Variants in UNC13C observed in about 807,000 individuals in gnomAD.
UNC13C encodes the protein protein unc-13 homolog C.
In UNC13C, 174 loss-of-function variants were observed where a neutral mutation model predicts 245.4. That is an observed-to-expected ratio of 0.71 (90% CI 0.63 to 0.80). The LOEUF is 0.80. Ranked by LOEUF, UNC13C falls within the 30% of genes least tolerant of loss-of-function variation. The probability of loss-of-function intolerance (pLI) is 0.00; values close to 1 mark genes in which losing one functional copy is unlikely to be tolerated. For synonymous variants in UNC13C, 992 were observed against 895.1 expected (o/e 1.11, Z -1.93); for missense variants, 2,829 against 2,602.9 (o/e 1.09, Z -1.89).
Position 54,381,204 on chromosome 15 carries a change from A to G in UNC13C, c.4714-11844A>G, listed in dbSNP as rs1388248855. 3.9e-5 allele frequency among the ~76,000 whole-genome samples: 6 copies of G among 152,220 alleles called. No homozygotes were observed. The East Asian group carries it at 9.7e-4, about 24-fold the overall frequency. ...ATGTCTAGTTTTCTTAACATCATTG[A>G]TTGAAGAGATTGTCCTTTAACTATT... On this transcript the variant is annotated intron_variant, in intron 17 of 32. Transcript: ENST00000260323.
At chr15:54,622,753 A>G (rs1900875637) in intron 31 of UNC13C, among the ~76,000 whole-genome samples, 1 of 152,102 alleles carries the variant, frequency 6.6e-6, no homozygotes. Context: ...CACAAAACCT[A>G]CTGCTTTTTC....
At chr15:54,115,068 C>T (rs1157977465) in intron 2 of UNC13C, among the ~76,000 whole-genome samples, 2 of 151,972 alleles carry the variant, frequency 1.3e-5, no homozygotes, top group Admixed American at 6.6e-5. Context: ...GCTCTATGTT[C>T]TGGAAATATA....
intron 19 of UNC13C, among the ~76,000 whole-genome samples, chr15:54,470,842 C>G (rs1429047016): frequency 6.7e-6 from 1 of 150,122 alleles, no homozygotes; most frequent in African/African-American, 2.4e-5. Flanking sequence ...CTTTTTTTTA[C>G]TTTTAGATCT....
Position 54,250,336 on chromosome 15 carries a change from T to C in UNC13C, c.3340T>C (p.Cys1114Arg), listed in dbSNP as rs1411960960. The C allele has an allele frequency of 6.2e-7, 1 of 1,613,738 alleles. No homozygotes were observed. Residue 1114 changes from cysteine (C) to arginine (R), a missense_variant, in exon 8 of 33, where the codon TGT (cysteine) becomes CGT (arginine). Coordinates refer to ENST00000260323, the MANE Select transcript of UNC13C (RefSeq NM_001080534.3). ...TATTPTYCYE[C>R]EGLLWGIARQ... ...TACCACACCCACCTACTGTTATGAG[T>C]GTGAAGGGCTCCTGTGGGGCATTGC...
chr15:53,932,179 C>T, the UNC13C span, among the ~76,000 whole-genome samples: 14 of 152,040 alleles, frequency 9.2e-5, no homozygotes, highest in East Asian at 1.9e-4. Flanking sequence ...CGTGGTGGCA[C>T]GTGCCTGTAG....
intron 2 of UNC13C, among the ~76,000 whole-genome samples, chr15:54,072,509 G>A (rs1898377400): frequency 6.6e-6 from 1 of 152,140 alleles, no homozygotes; most frequent in Non-Finnish European, 1.5e-5. Flanking sequence ...CACCCAAAGA[G>A]TTTGGAATAC....
At chr15:54,567,774 C>T in intron 29 of UNC13C, 26 bp from the exon 30 acceptor site, 1 of 1,558,344 alleles carries the variant, frequency 6.4e-7, no homozygotes, top group Non-Finnish European at 8.7e-7. Flanking sequence ...CTCTAAATGC[C>T]TCGGCTTATT....
At chr15:54,541,599 T>C (rs1896248087) in intron 26 of UNC13C, among the ~76,000 whole-genome samples, 1 of 152,146 alleles carries the variant, frequency 6.6e-6, no homozygotes, top group Non-Finnish European at 1.5e-5. Context: ...AGGCTGGATT[T>C]AGAAGAGTCA....
intron 13 of UNC13C, among the ~76,000 whole-genome samples, chr15:54,311,508 G>A (rs1332425464): frequency 6.6e-6 from 1 of 151,682 alleles, no homozygotes; most frequent in Non-Finnish European, 1.5e-5. Flanking sequence ...GGAAAGAAAA[G>A]TAGCATTAAG....
intron 18 of UNC13C, among the ~76,000 whole-genome samples, chr15:54,414,562 G>A (rs2040479677): frequency 6.6e-6 from 1 of 152,088 alleles, no homozygotes; most frequent in African/African-American, 2.4e-5. Flanking sequence ...CAGGAGAATT[G>A]CTTGAACCCG....
chr15:53,890,746 C>A, the UNC13C span, among the ~76,000 whole-genome samples: 2 of 134,874 alleles, frequency 1.5e-5, no homozygotes, highest in African/African-American at 5.1e-5. Context: ...CTGTTTGATT[C>A]TTCTCTCTTT....
At chr15:54,470,702 G>A (rs1183123648) in intron 19 of UNC13C, among the ~76,000 whole-genome samples, 1 of 150,504 alleles carries the variant, frequency 6.6e-6, no homozygotes, top group African/African-American at 2.4e-5. Context: ...CCAATTTTTT[G>A]TTTCATTAGT....
chr15:54,439,546 A>T (rs1363154124), intron 19 of UNC13C, among the ~76,000 whole-genome samples: 2 of 152,098 alleles, frequency 1.3e-5, no homozygotes, highest in East Asian at 3.9e-4. Context: ...AGTCCTACAT[A>T]AGCATACAAA....
the UNC13C span, among the ~76,000 whole-genome samples, chr15:53,941,229 G>A: frequency 1.6e-4 from 25 of 152,258 alleles, 1 homozygote; most frequent in Non-Finnish European, 3.4e-4. Flanking sequence ...AAATGGTGCT[G>A]GGAGAACTGG....
chr15:54,626,190 T>TAACA (rs1431795076), intron 32 of UNC13C, among the ~76,000 whole-genome samples: 2 of 152,148 alleles, frequency 1.3e-5, no homozygotes, highest in African/African-American at 4.8e-5. Flanking sequence ...ATGTTGACAC[T>TAACA]AACAAGCTGT....
At chr15:53,841,134 T>G in the UNC13C span, among the ~76,000 whole-genome samples, 1 of 152,118 alleles carries the variant, frequency 6.6e-6, no homozygotes, top group Non-Finnish European at 1.5e-5. Flanking sequence ...ATACATTATC[T>G]CTAATGTTTC....
At chr15:54,628,958 A>G (rs1361643032), downstream of UNC13C, 1 of 152,182 alleles carries the variant, frequency 6.6e-6, no homozygotes, top group East Asian at 1.9e-4. Context: ...ATATCAAACA[A>G]ACATTCTACC....
At chr15:54,178,295 C>G (rs2033683260) in intron 4 of UNC13C, among the ~76,000 whole-genome samples, 1 of 152,114 alleles carries the variant, frequency 6.6e-6, no homozygotes, top group Non-Finnish European at 1.5e-5. Flanking sequence ...CATATCTTCT[C>G]TCCACATGAT....
At chr15:54,422,297 C>A (rs1434125752) in intron 19 of UNC13C, among the ~76,000 whole-genome samples, 1 of 152,014 alleles carries the variant, frequency 6.6e-6, no homozygotes, top group African/African-American at 2.4e-5. Context: ...GTTCTAGCCA[C>A]AGGCCCCCTT....
Sources: allele counts gnomAD v4.1 joint callset (sites outside exome capture counted in the v4.1 genomes callset), GRCh38; gene constraint gnomAD v4.1.1; transcripts MANE v1.5; gene names NCBI Gene and HGNC (gene_info 2026-07-23, HGNC 2026-07-21).